The following SH3D19 variants were observed in gnomAD, a reference collection of about 807,000 sequenced individuals.
SH3D19 encodes the protein SH3 domain containing 19.
SH3D19 carries 58 observed loss-of-function variants against 112.1 expected under a neutral mutation model. The ratio of observed to expected loss-of-function variants is 0.52; its 90% CI spans 0.42 to 0.64. The LOEUF (loss-of-function observed/expected upper bound fraction) is 0.64. SH3D19 is among the 30% of genes least tolerant of loss of function. The pLI is 0.00. For missense variants in SH3D19, 1,090 were observed against 1,263.4 expected, an observed-to-expected ratio of 0.86 and a Z score of 2.08; for synonymous variants, 391 against 448.5, an observed-to-expected ratio of 0.87 and a Z score of 1.62.
At chr4:151,307,273 C>T (rs865978060) in intron 1 of SH3D19, among the ~76,000 whole-genome samples, 2 of 152,136 alleles carry the variant, frequency 1.3e-5, no homozygotes, top group Admixed American at 6.5e-5. Flanking sequence ...CCGCCCGCCT[C>T]GGCCTCCCAA....
chr4:151,175,381 A>C lies in SH3D19; in HGVS notation c.823T>G (p.Ser275Ala). Reference protein sequence around the residue: ...PQSLLDNASTSDSQAVMNIMN... With the variant: ...PQSLLDNASTADSQAVMNIMN... ...ATGTTCATCACTGCCTGACTGTCTG[A>C]GGTGCTAGCGTTGTCCAGCAGAGAC... The change falls in exon 7 of 20, where the codon TCA becomes GCA. Residue 275 changes from serine (S) to alanine (A), a missense_variant. Transcript: ENST00000604030. 1 of 1,590,820 alleles carries C rather than the reference A, an allele frequency of 6.3e-7. No individual in the cohort carries two copies. Among genetic ancestry groups the C allele is most frequent in the East Asian group, 2.2e-5 (1 of 44,804 alleles).
intron 2 of SH3D19, among the ~76,000 whole-genome samples, chr4:151,217,863 G>A (rs1304527910): frequency 6.6e-6 from 1 of 152,064 alleles, no homozygotes; most frequent in East Asian, 1.9e-4. Context: ...AACTGACATG[G>A]TAATACTTTC....
chr4:151,170,547 A>T (rs139020255), intron 7 of SH3D19: 1 of 152,204 alleles, frequency 6.6e-6, no homozygotes, highest in Non-Finnish European at 1.5e-5. Flanking sequence ...TATTTAGTTC[A>T]TAACAAGTAG....
At chr4:151,279,767 C>T (rs1388406463) in intron 1 of SH3D19, 1 of 1,610,608 alleles carries the variant, frequency 6.2e-7, no homozygotes, top group Non-Finnish European at 8.5e-7. Flanking sequence ...TCCTAGGTTT[C>T]CACATTTCCC....
At chr4:151,187,370 A>G in intron 3 of SH3D19, 53 bp downstream of exon 3, 1 of 1,047,708 alleles carries the variant, frequency 9.5e-7, no homozygotes, top group Non-Finnish European at 1.2e-6. Flanking sequence ...AATCTAAATC[A>G]TCACTTAAAA....
At chr4:151,152,684 A>G (rs1048834316) in intron 9 of SH3D19, among the ~76,000 whole-genome samples, 13 of 150,136 alleles carry the variant, frequency 8.7e-5, no homozygotes, top group African/African-American at 2.5e-4. Flanking sequence ...ATGCCTGGCT[A>G]ATTTTTGTAT....
At chr4:151,157,516 T>C (rs1399315403) in intron 9 of SH3D19, among the ~76,000 whole-genome samples, 2 of 151,520 alleles carry the variant, frequency 1.3e-5, no homozygotes, top group African/African-American at 2.4e-5. Flanking sequence ...ACAATCACTG[T>C]AGAGAACAGG....
rs377740227 is a variant in SH3D19, at chr4:151,264,445, C to A, written c.113-38359G>T. 8.0e-3 allele frequency among the ~76,000 whole-genome samples: 889 copies of A among 110,662 alleles called. 7 individuals carry two copies. Among genetic ancestry groups the A allele is most frequent in the Non-Finnish European group, 0.013 (644 of 49,504 alleles). The allele number at this position is 110,662 out of a possible 152,430, so 72.6% of individuals were successfully genotyped here. Reference sequence around the variant, plus strand: ...TCTGTCTCAAAAAAAAAAAAAAAAACCAAACAAAAAAAAAACCCTAACATC... The same window carrying A: ...TCTGTCTCAAAAAAAAAAAAAAAAAACAAACAAAAAAAAAACCCTAACATC... On this transcript the variant is annotated intron_variant, in intron 1 of 19. Transcript: ENST00000604030.
intron 9 of SH3D19, among the ~76,000 whole-genome samples, chr4:151,152,514 CTCTTT>C (rs1212411368): frequency 4.9e-5 from 7 of 142,816 alleles, no homozygotes; most frequent in African/African-American, 2.0e-4. Flanking sequence ...TTCTCTCTCT[CTCTTT>C]TTTTTTTTTT....
chr4:151,136,031 C>CA (rs1423168387), intron 14 of SH3D19, among the ~76,000 whole-genome samples: 1 of 150,160 alleles, frequency 6.7e-6, no homozygotes, highest in Non-Finnish European at 1.5e-5. Flanking sequence ...CAAAACAAAA[C>CA]AAAAACAACT....
intron 1 of SH3D19, among the ~76,000 whole-genome samples, chr4:151,256,795 A>G (rs554246535): frequency 6.7e-6 from 1 of 148,790 alleles, no homozygotes; most frequent in Admixed American, 6.8e-5. Context: ...GCTGGAGTGT[A>G]GTGGTGCTGA....
intron 1 of SH3D19, among the ~76,000 whole-genome samples, chr4:151,255,147 AGACGGGGTGGCT>A (rs1771752402): frequency 6.8e-6 from 1 of 147,328 alleles, no homozygotes; most frequent in Admixed American, 6.7e-5. Context: ...CCTCCCTCCC[AGACGGGGTGGCT>A]GCCGGGCGGA....
At chr4:151,170,609 A>G (rs1009822564) in intron 7 of SH3D19, 9 of 152,180 alleles carry the variant, frequency 5.9e-5, no homozygotes, top group Admixed American at 2.6e-4. Flanking sequence ...TCACTATTTT[A>G]TTATTTTAAA....
chr4:151,194,445 C>A (rs1763109075), intron 2 of SH3D19, among the ~76,000 whole-genome samples: 1 of 151,858 alleles, frequency 6.6e-6, no homozygotes, highest in South Asian at 2.1e-4. Context: ...AAAATATAGA[C>A]AAATATATGG....
intron 9 of SH3D19, among the ~76,000 whole-genome samples, chr4:151,153,291 A>G (rs1755425242): frequency 6.6e-6 from 1 of 152,030 alleles, no homozygotes; most frequent in Non-Finnish European, 1.5e-5. Flanking sequence ...TTTGTTGTCC[A>G]GGCTGGAGTA....
intron 1 of SH3D19, among the ~76,000 whole-genome samples, chr4:151,271,782 T>C (rs1773243521): frequency 6.6e-6 from 1 of 152,248 alleles, no homozygotes; most frequent in Admixed American, 6.5e-5. Context: ...AATTATCACA[T>C]GCTAAATAGG....
intron 1 of SH3D19, among the ~76,000 whole-genome samples, chr4:151,268,335 T>A (rs1324112973): frequency 6.6e-6 from 1 of 152,208 alleles, no homozygotes. Flanking sequence ...GAAGTTGCTC[T>A]GGATGAGTCA....
At chr4:151,318,314 A>G (rs1351679092) in intron 1 of SH3D19, among the ~76,000 whole-genome samples, 2 of 151,062 alleles carry the variant, frequency 1.3e-5, no homozygotes, top group African/African-American at 2.4e-5. Flanking sequence ...AAAAAAAAAA[A>G]AAAAAAAGAA....
chr4:151,188,065 G>A (rs1271221743), intron 2 of SH3D19, among the ~76,000 whole-genome samples: 2 of 151,838 alleles, frequency 1.3e-5, no homozygotes, highest in Non-Finnish European at 2.9e-5. Context: ...TTCACCATGG[G>A]ATGACACGGC....
Sources: allele counts gnomAD v4.1 joint callset (sites outside exome capture counted in the v4.1 genomes callset), GRCh38; gene constraint gnomAD v4.1.1; transcripts MANE v1.5; gene names NCBI Gene and HGNC (gene_info 2026-07-23, HGNC 2026-07-21).